TRPM3: variants seen among roughly 807,000 people sequenced by gnomAD.
TRPM3 encodes the protein long transient receptor potential channel 3.
A neutral mutation model predicts 181.2 loss-of-function variants in TRPM3; 77 were observed. The ratio of observed to expected loss-of-function variants is 0.42; its 90% confidence interval spans 0.35 to 0.51. TRPM3 has a LOEUF of 0.51. TRPM3 is among the 20% of genes least tolerant of loss of function. The pLI, the probability that TRPM3 is intolerant of heterozygous loss-of-function variation, is 0.01. For synonymous variants in TRPM3, 745 were observed against 796.4 expected (o/e 0.94, Z 1.09); for missense variants, 1,759 against 2,196.7 (o/e 0.80, Z 3.98).
intron 1 of TRPM3, among the ~76,000 whole-genome samples, chr9:71,031,311 G>T (rs7031370): frequency 1.4e-3 from 210 of 152,284 alleles, no homozygotes; most frequent in African/African-American, 4.3e-3. Context: ...AAATTAGATT[G>T]CTATAGTAGT....
chr9:71,429,913 G>A (rs1274291054), intron 1 of TRPM3, among the ~76,000 whole-genome samples: 1 of 152,106 alleles, frequency 6.6e-6, no homozygotes, highest in African/African-American at 2.4e-5. Context: ...AGTTCACTCT[G>A]CATGGAATGT....
intron 1 of TRPM3, among the ~76,000 whole-genome samples, chr9:71,164,735 G>C (rs2076455021): frequency 6.6e-6 from 1 of 152,122 alleles, no homozygotes; most frequent in African/African-American, 2.4e-5. Flanking sequence ...TAGTATTTGA[G>C]ATTACATAAC....
intron 1 of TRPM3, among the ~76,000 whole-genome samples, chr9:70,954,476 T>C (rs540397413): frequency 6.6e-6 from 1 of 152,292 alleles, no homozygotes; most frequent in East Asian, 1.9e-4. Context: ...CTAAGACTCA[T>C]TTTTATAGTA....
intron 1 of TRPM3, among the ~76,000 whole-genome samples, chr9:71,134,549 T>TC (rs771793053): frequency 1.3e-4 from 1 of 7,638 alleles, no homozygotes; most frequent in African/African-American, 3.1e-4. Context: ...ATGCTCCATC[T>TC]CAAAAAAAAA....
At chr9:71,219,949 G>C (rs2080130530) in intron 1 of TRPM3, among the ~76,000 whole-genome samples, 1 of 152,092 alleles carries the variant, frequency 6.6e-6, no homozygotes, top group Non-Finnish European at 1.5e-5. Context: ...ATTTCAAAAT[G>C]GATTATATTC....
intron 1 of TRPM3, among the ~76,000 whole-genome samples, chr9:71,273,213 T>C (rs2083940977): frequency 6.6e-6 from 1 of 152,188 alleles, no homozygotes; most frequent in African/African-American, 2.4e-5. Context: ...ACCAGAATCC[T>C]GAAGTTAAAA....
chr9:70,596,633 AG>A (rs2059076237), intron 21 of TRPM3, among the ~76,000 whole-genome samples: 1 of 151,256 alleles, frequency 6.6e-6, no homozygotes, highest in African/African-American at 2.4e-5. Context: ...CGGGAGGTTG[AG>A]GCAGGAGAAT....
At chr9:70,934,853 T>G (rs2096810548) in intron 1 of TRPM3, among the ~76,000 whole-genome samples, 1 of 151,784 alleles carries the variant, frequency 6.6e-6, no homozygotes, top group Non-Finnish European at 1.5e-5. Context: ...AATTGCGCAA[T>G]GGAATGACCT....
intron 1 of TRPM3, among the ~76,000 whole-genome samples, chr9:71,377,017 G>A (rs1038455072): frequency 3.3e-5 from 5 of 151,988 alleles, no homozygotes; most frequent in East Asian, 1.9e-4. Flanking sequence ...TAGCTGCCAC[G>A]TGCCATGAAA....
At chr9:70,926,813 A>C (rs900767798) in intron 1 of TRPM3, among the ~76,000 whole-genome samples, 2 of 152,186 alleles carry the variant, frequency 1.3e-5, no homozygotes, top group African/African-American at 4.8e-5. Context: ...GGCATTTTAA[A>C]AACTAAATTT....
chr9:70,558,828 T>C (rs962751021), intron 22 of TRPM3, among the ~76,000 whole-genome samples: 2 of 152,140 alleles, frequency 1.3e-5, no homozygotes, highest in African/African-American at 4.8e-5. Context: ...GGATCAAACA[T>C]TTGGAGATTC....
intron 1 of TRPM3, among the ~76,000 whole-genome samples, chr9:70,887,331 A>T (rs895060557): frequency 6.6e-6 from 1 of 152,218 alleles, no homozygotes; most frequent in African/African-American, 2.4e-5. Context: ...GAAGTTCTGG[A>T]TATATCTTCA....
At chr9:71,184,358 C>T (rs1274799997) in intron 1 of TRPM3, among the ~76,000 whole-genome samples, 4 of 152,114 alleles carry the variant, frequency 2.6e-5, no homozygotes, top group African/African-American at 7.2e-5. Flanking sequence ...TTGGCTTTCT[C>T]TCTATAGGAA....
intron 1 of TRPM3, among the ~76,000 whole-genome samples, chr9:70,963,438 A>G (rs2097156710): frequency 6.6e-6 from 1 of 152,206 alleles, no homozygotes. Context: ...TTTTAATGTT[A>G]GAATTCAAGA....
upstream of TRPM3, among the ~76,000 whole-genome samples, chr9:71,125,768 C>T (rs191704208): frequency 1.3e-5 from 2 of 152,200 alleles, no homozygotes; most frequent in Admixed American, 1.3e-4. Flanking sequence ...TATAACAACC[C>T]TAGAAGATAA....
intron 1 of TRPM3, among the ~76,000 whole-genome samples, chr9:71,302,050 A>G (rs1359884775): frequency 6.6e-6 from 1 of 152,144 alleles, no homozygotes; most frequent in Non-Finnish European, 1.5e-5. Context: ...CTTTGGGAAT[A>G]ATATAGCAAA....
At chr9:70,685,738 C>A (rs2066588098) in intron 8 of TRPM3, among the ~76,000 whole-genome samples, 2 of 152,102 alleles carry the variant, frequency 1.3e-5, no homozygotes, top group Admixed American at 6.5e-5. Flanking sequence ...AAAGTATTAT[C>A]TTTTATCATT....
intron 8 of TRPM3, among the ~76,000 whole-genome samples, chr9:70,749,107 C>A (rs1225035027): frequency 6.6e-6 from 1 of 152,056 alleles, no homozygotes; most frequent in Non-Finnish European, 1.5e-5. Flanking sequence ...CTCAAGTGAT[C>A]CACACTTCTC....
At chr9:71,119,729 C>T (rs1006325377) in intron 1 of TRPM3, among the ~76,000 whole-genome samples, 1 of 152,108 alleles carries the variant, frequency 6.6e-6, no homozygotes. Context: ...CCATTCTTTG[C>T]CCCTGACTCT....
Sources: allele counts gnomAD v4.1 joint callset (sites outside exome capture counted in the v4.1 genomes callset), GRCh38; gene constraint gnomAD v4.1.1; transcripts MANE v1.5; gene names NCBI Gene and HGNC (gene_info 2026-07-23, HGNC 2026-07-21).